Variants in SPATA13 observed in about 807,000 individuals in gnomAD.
SPATA13 encodes the protein spermatogenesis-associated protein 13.
SPATA13 carries 50 observed loss-of-function variants against 104.0 expected under a neutral mutation model. The observed-to-expected ratio is 0.48, with a 90% CI of 0.38 to 0.61. The LOEUF (loss-of-function observed/expected upper bound fraction) is 0.61. Among genes scored for constraint, SPATA13 ranks in the 20% least tolerant of loss-of-function variants. The pLI, the probability that SPATA13 is intolerant of heterozygous loss-of-function variation, is 0.00. For synonymous variants in SPATA13, 606 were observed against 667.5 expected, an observed-to-expected ratio of 0.91 and a Z score of 1.42; for missense variants, 1,524 against 1,690.6, an observed-to-expected ratio of 0.90 and a Z score of 1.73.
At chr13:24,152,833 TTC>T (rs140783597) in intron 3 of SPATA13, among the ~76,000 whole-genome samples, 1 of 151,908 alleles carries the variant, frequency 6.6e-6, no homozygotes, top group African/African-American at 2.4e-5. Flanking sequence ...TGAAGCAGCT[TTC>T]TCTCTCTCTC....
intron 4 of SPATA13, among the ~76,000 whole-genome samples, chr13:24,261,282 A>G (rs1874050016): frequency 6.6e-6 from 1 of 152,216 alleles, no homozygotes; most frequent in Non-Finnish European, 1.5e-5. Flanking sequence ...GGGAGCAGCC[A>G]TCCGTGCTGC....
At chr13:24,098,686 TG>T (rs1232891788) in intron 3 of SPATA13, among the ~76,000 whole-genome samples, 1 of 151,744 alleles carries the variant, frequency 6.6e-6, no homozygotes, top group African/African-American at 2.4e-5. Context: ...CCCAGCACTT[TG>T]GAAGGCTGAG....
At chr13:24,292,855 G>T (rs1299927476) in intron 9 of SPATA13, among the ~76,000 whole-genome samples, 1 of 151,892 alleles carries the variant, frequency 6.6e-6, no homozygotes, top group Non-Finnish European at 1.5e-5. Context: ...AATTAGCTGG[G>T]CATGGTGGCG....
chr13:24,036,242 G>C (rs1205562449), intron 3 of SPATA13, among the ~76,000 whole-genome samples: 1 of 152,136 alleles, frequency 6.6e-6, no homozygotes, highest in Non-Finnish European at 1.5e-5. Flanking sequence ...GAGTAGGAAC[G>C]ACAGTGTTTT....
At chr13:24,078,989 C>G (rs1253440911) in intron 3 of SPATA13, among the ~76,000 whole-genome samples, 1 of 152,174 alleles carries the variant, frequency 6.6e-6, no homozygotes, top group Non-Finnish European at 1.5e-5. Context: ...GAAATTCCAA[C>G]TGGGAATTGT....
At chr13:24,134,782 C>G (rs1246636918) in intron 3 of SPATA13, among the ~76,000 whole-genome samples, 1 of 152,050 alleles carries the variant, frequency 6.6e-6, no homozygotes, top group Admixed American at 6.6e-5. Context: ...CTCAGGAGAG[C>G]TTCACTCGTT....
chr13:23,995,609 A>G (rs7338032), intron 2 of SPATA13, among the ~76,000 whole-genome samples: 101,037 of 152,050 alleles, frequency 0.66, 33,844 homozygotes, highest in Non-Finnish European at 0.71. Context: ...TTTCATCTGT[A>G]TCTGATATGC....
At chr13:23,984,048 T>C (rs1327083631) in intron 2 of SPATA13, 2 of 674,762 alleles carry the variant, frequency 3.0e-6, no homozygotes, top group East Asian at 2.7e-4. Context: ...ATTTGAAGGT[T>C]TTCACTGAGG....
At chr13:24,050,214 A>T (rs1878293785) in intron 3 of SPATA13, among the ~76,000 whole-genome samples, 1 of 152,048 alleles carries the variant, frequency 6.6e-6, no homozygotes, top group South Asian at 2.1e-4. Flanking sequence ...CAGTATTGAT[A>T]ATGGCCATGA....
At chr13:24,004,249 T>A (rs192541842) in intron 2 of SPATA13, among the ~76,000 whole-genome samples, 36 of 152,334 alleles carry the variant, frequency 2.4e-4, no homozygotes, top group Non-Finnish European at 3.8e-4. Flanking sequence ...ATACACAATT[T>A]TGCTCTGCAG....
At chr13:24,024,672 T>A (rs1193814410) in intron 3 of SPATA13, among the ~76,000 whole-genome samples, 1 of 111,620 alleles carries the variant, frequency 9.0e-6, no homozygotes, top group Non-Finnish European at 2.0e-5. Flanking sequence ...ATTTTGTTAA[T>A]ATTTGATGAC....
At chr13:24,246,724 G>A (rs1358910948) in intron 2 of SPATA13, among the ~76,000 whole-genome samples, 1 of 152,244 alleles carries the variant, frequency 6.6e-6, no homozygotes, top group Middle Eastern at 3.4e-3. Context: ...TTAGCTGGGC[G>A]TGGTGGTAGG....
intron 3 of SPATA13, among the ~76,000 whole-genome samples, chr13:24,104,644 G>A (rs1385074519): frequency 1.3e-5 from 2 of 152,174 alleles, no homozygotes; most frequent in African/African-American, 4.8e-5. Context: ...TAAAGTATTA[G>A]GGGAAGTTCC....
At chr13:24,225,349 A>G (rs1456062742) in intron 2 of SPATA13, among the ~76,000 whole-genome samples, 2 of 152,232 alleles carry the variant, frequency 1.3e-5, no homozygotes, top group East Asian at 3.9e-4. Flanking sequence ...GACCAGATGC[A>G]CTGTAGCTGG....
chr13:24,113,597 C>T (rs747357601), intron 3 of SPATA13, among the ~76,000 whole-genome samples: 26 of 150,910 alleles, frequency 1.7e-4, no homozygotes, highest in Non-Finnish European at 3.1e-4. Context: ...TAAGGCTGGG[C>T]GAGGTGGCTT....
intron 2 of SPATA13, among the ~76,000 whole-genome samples, chr13:24,007,437 T>TAAA (rs1209105387): frequency 3.9e-5 from 6 of 152,218 alleles, no homozygotes; most frequent in Non-Finnish European, 7.3e-5. Context: ...GGGTGATGTT[T>TAAA]AAGTTGCAAG....
intron 3 of SPATA13, among the ~76,000 whole-genome samples, chr13:24,130,775 A>G (rs1415264811): frequency 6.6e-6 from 1 of 152,244 alleles, no homozygotes; most frequent in African/African-American, 2.4e-5. Flanking sequence ...GAACCTGCAA[A>G]CACGCTATTT....
At chr13:24,077,823 T>C (rs1439586557) in intron 3 of SPATA13, among the ~76,000 whole-genome samples, 1 of 152,088 alleles carries the variant, frequency 6.6e-6, no homozygotes, top group East Asian at 1.9e-4. Context: ...ACCCCATGGC[T>C]TGAAACCTCG....
intron 1 of SPATA13, among the ~76,000 whole-genome samples, chr13:24,194,437 T>C (rs946131850): frequency 6.6e-6 from 1 of 152,164 alleles, no homozygotes; most frequent in African/African-American, 2.4e-5. Flanking sequence ...ACTGGAAATG[T>C]TGAGAATCAC....
Sources: allele counts gnomAD v4.1 joint callset (sites outside exome capture counted in the v4.1 genomes callset), GRCh38; gene constraint gnomAD v4.1.1; transcripts MANE v1.5; gene names NCBI Gene and HGNC (gene_info 2026-07-23, HGNC 2026-07-21).